CLASP1: variants seen among roughly 807,000 people sequenced by gnomAD.
The protein encoded by CLASP1 is cytoplasmic linker associated protein 1.
Under a neutral mutation model 192.3 loss-of-function variants are expected in CLASP1, and 38 were observed. The ratio of observed to expected loss-of-function variants is 0.20; its 90% CI spans 0.15 to 0.26. The LOEUF (loss-of-function observed/expected upper bound fraction) is 0.26. Ranked by LOEUF, CLASP1 falls within the 10% of genes least tolerant of loss-of-function variation. The pLI, the probability that CLASP1 is intolerant of heterozygous loss-of-function variation, is 1.00. For missense variants in CLASP1, 1,433 were observed against 1,932.5 expected (o/e 0.74, Z 4.85); for synonymous variants, 691 against 712.8 (o/e 0.97, Z 0.49).
At chr2:121,465,300 C>T (rs1423208031) in intron 9 of CLASP1, among the ~76,000 whole-genome samples, 3 of 152,198 alleles carry the variant, frequency 2.0e-5, no homozygotes, top group Non-Finnish European at 4.4e-5. Flanking sequence ...TCTCCTCAAG[C>T]TGATAAGCAA....
At chr2:121,597,624 G>C (rs567727866) in intron 2 of CLASP1, among the ~76,000 whole-genome samples, 1 of 152,136 alleles carries the variant, frequency 6.6e-6, no homozygotes, top group South Asian at 2.1e-4. Context: ...AGGTCAAATG[G>C]CAAATTAGTA....
chr2:121,615,246 G>A (rs1027475375), intron 1 of CLASP1, among the ~76,000 whole-genome samples: 2 of 152,150 alleles, frequency 1.3e-5, no homozygotes, highest in Non-Finnish European at 2.9e-5. Context: ...GGCTGAGGAA[G>A]GAGAATCGCT....
At chr2:121,409,129 C>T in intron 24 of CLASP1, 2 of 1,145,600 alleles carry the variant, frequency 1.7e-6, no homozygotes, top group Non-Finnish European at 2.5e-6. Context: ...GTTCTTGCAA[C>T]AAAAGTGTAC....
At chr2:121,607,287 C>T (rs562318695) in intron 1 of CLASP1, among the ~76,000 whole-genome samples, 123 of 152,094 alleles carry the variant, frequency 8.1e-4, no homozygotes, top group Admixed American at 8.5e-4. Context: ...TGCGGTGAGC[C>T]GACACAGTGC....
chr2:121,522,857 CA>C (rs1220744454), intron 6 of CLASP1, among the ~76,000 whole-genome samples: 1 of 152,202 alleles, frequency 6.6e-6, no homozygotes, highest in Non-Finnish European at 1.5e-5. Context: ...AAGCACTATA[CA>C]GCTGAGTTTC....
intron 1 of CLASP1, among the ~76,000 whole-genome samples, chr2:121,617,200 C>T (rs1337849181): frequency 6.6e-6 from 1 of 152,056 alleles, no homozygotes; most frequent in African/African-American, 2.4e-5. Context: ...CTGACTCCCT[C>T]CCTATCTCCT....
At chr2:121,364,776 C>A in intron 36 of CLASP1, 4 of 308,836 alleles carry the variant, frequency 1.3e-5, no homozygotes, top group South Asian at 4.2e-5. Context: ...AAAGTACATC[C>A]TAAAAGACCA....
intron 1 of CLASP1, among the ~76,000 whole-genome samples, chr2:121,630,730 G>A (rs2069387610): frequency 6.6e-6 from 1 of 151,926 alleles, no homozygotes; most frequent in African/African-American, 2.4e-5. Flanking sequence ...CGGGCATGGT[G>A]GTGGATGCCT....
In CLASP1 at chr2:121,423,882, G is replaced by A. The variant is rs574436256; in HGVS notation, c.2212+1257C>T. 2.3e-3 allele frequency among the ~76,000 whole-genome samples: 348 copies of A among 152,230 alleles called. 1 individual carries two copies. The highest frequency in any genetic ancestry group is 6.7e-3 in the African/African-American group (278 of 41,548). On this transcript the variant is annotated intron_variant, in intron 22 of 39. Transcript: ENST00000263710. ...CTTAAATATCTTCTCCTGCCTTCTC[G>A]TAGCTAAGGTGGGCTTCAAAGACTT...
chr2:121,440,107 A>AAC (rs1553526834), intron 19 of CLASP1, among the ~76,000 whole-genome samples: 3 of 151,650 alleles, frequency 2.0e-5, no homozygotes, highest in African/African-American at 4.8e-5. Flanking sequence ...AAAAAAAAAA[A>AAC]AAAAAACTAA....
rs568858101 is a variant in CLASP1 at position 121,543,441 on chromosome 2, G to C, written c.196-13116C>G. 3.9e-5 allele frequency among the ~76,000 whole-genome samples: 6 copies of C among 152,182 alleles called. No individual in the cohort carries two copies. The East Asian group carries it at 9.6e-4, about 24-fold the overall frequency. ...ATACATCCCATAAACATGAGATCAG[G>C]CACCAAGACATTCATGATGGTTTAA... is the stretch of plus-strand genomic sequence containing the variant. On this transcript the variant is annotated intron_variant, in intron 2 of 39. Coordinates refer to ENST00000263710, the Ensembl canonical transcript of CLASP1.
intron 2 of CLASP1, among the ~76,000 whole-genome samples, chr2:121,544,022 G>A (rs1217996547): frequency 1.3e-5 from 2 of 152,124 alleles, no homozygotes; most frequent in Non-Finnish European, 1.5e-5. Flanking sequence ...ATTAGGCAAG[G>A]TCACTCCGCG....
chr2:121,339,131 C>CCACATACACA (rs1553443051), exon 40 of CLASP1: 1 of 143,514 alleles, frequency 7.0e-6, no homozygotes, highest in African/African-American at 2.6e-5. Flanking sequence ...ACACACAACA[C>CCACATACACA]CACACACACA....
intron 2 of CLASP1, among the ~76,000 whole-genome samples, chr2:121,537,159 A>C (rs1195503990): frequency 6.6e-6 from 1 of 152,178 alleles, no homozygotes; most frequent in Non-Finnish European, 1.5e-5. Context: ...TGAGAGGTCA[A>C]GGCAGGCAGA....
At chr2:121,638,101 T>C (rs1216695058) in intron 1 of CLASP1, among the ~76,000 whole-genome samples, 1 of 151,740 alleles carries the variant, frequency 6.6e-6, no homozygotes, top group Non-Finnish European at 1.5e-5. Flanking sequence ...AAATCAATCA[T>C]AAAACTCAAA....
At position 121,465,018 on chromosome 2, in the gene CLASP1, C is replaced by T. The variant is rs529609038; in HGVS notation, c.866-2413G>A. On this transcript the variant is annotated intron_variant, in intron 9 of 39. Transcript: ENST00000263710. Reference sequence around the variant, plus strand: ...TAAATTAGGTATTGATGGGACGTATCTCAAAATCATAAGAGCTATCTATGA... The same window carrying T: ...TAAATTAGGTATTGATGGGACGTATTTCAAAATCATAAGAGCTATCTATGA... Among the ~76,000 whole-genome samples the T allele has an allele frequency of 5.3e-5, 8 of 152,224 alleles. No homozygotes were observed. The East Asian group carries it at 7.7e-4, about 15-fold the overall frequency.
chr2:121,639,430 G>A (rs2071587571), intron 1 of CLASP1, among the ~76,000 whole-genome samples: 1 of 152,182 alleles, frequency 6.6e-6, no homozygotes, highest in Non-Finnish European at 1.5e-5. Flanking sequence ...CCAGGTGCTG[G>A]GAGACAGAGG....
intron 2 of CLASP1, among the ~76,000 whole-genome samples, chr2:121,594,440 T>G (rs2062864138): frequency 6.6e-6 from 1 of 151,506 alleles, no homozygotes; most frequent in Non-Finnish European, 1.5e-5. Context: ...TTGCCCAGGC[T>G]GGAGTGCAGT....
intron 7 of CLASP1, among the ~76,000 whole-genome samples, chr2:121,509,647 G>C (rs1163607846): frequency 6.6e-6 from 1 of 152,144 alleles, no homozygotes; most frequent in Non-Finnish European, 1.5e-5. Context: ...AGATCATCCT[G>C]GCCAATGTGG....
Sources: allele counts gnomAD v4.1 joint callset (sites outside exome capture counted in the v4.1 genomes callset), GRCh38; gene constraint gnomAD v4.1.1; transcripts MANE v1.5; gene names NCBI Gene and HGNC (gene_info 2026-07-23, HGNC 2026-07-21).